TRRAP: variants seen among roughly 807,000 people sequenced by gnomAD.
TRRAP encodes transformation/transcription domain associated protein, also known as transformation/transcription domain-associated protein.
A neutral mutation model predicts 438.8 loss-of-function variants in TRRAP; 41 were observed. That is an observed-to-expected ratio of 0.09 (90% CI 0.07 to 0.12). TRRAP has a LOEUF of 0.12. Among genes scored for constraint, TRRAP ranks in the 10% least tolerant of loss-of-function variants. TRRAP has a pLI of 1.00. For missense variants in TRRAP, 3,122 were observed against 5,055.1 expected (o/e 0.62, Z 11.60); for synonymous variants, 1,994 against 1,962.9 (o/e 1.02, Z -0.42).
chr7:98,914,022 G>C (rs1315500805), intron 18 of TRRAP, among the ~76,000 whole-genome samples: 1 of 152,160 alleles, frequency 6.6e-6, no homozygotes, highest in Admixed American at 6.6e-5. Flanking sequence ...CCAGTAACCT[G>C]TGCTTTCCTT....
intron 2 of TRRAP, chr7:98,881,641 A>C: frequency 3.4e-6 from 1 of 296,430 alleles, no homozygotes. Flanking sequence ...GTGTACTTTG[A>C]GATTAATCGT....
In TRRAP at chr7:99,012,750, A is replaced by G. The variant is rs1020225131; in HGVS notation, c.*395A>G. The G allele has an allele frequency of 5.0e-6, 1 of 201,088 alleles. No homozygotes were observed. Among genetic ancestry groups the G allele is most frequent in the Admixed American group, 5.5e-5 (1 of 18,200 alleles). 12.5% of individuals were successfully genotyped at this position (201,088 alleles called of 1,614,324 possible). On this transcript the variant is annotated 3_prime_UTR_variant, in exon 73 of 73. Coordinates refer to ENST00000456197, the MANE Select transcript of TRRAP (RefSeq NM_001375524.1). This position sits in a 1 kb window ranked among gnomAD's most constrained non-coding sequence, Gnocchi z 5.9. Reference sequence around the variant, plus strand: ...TTAACTCTTTCGGAAATAACACCTCACAGCAGCTTCGTGCTTTTGTACAGA... The same window carrying G: ...TTAACTCTTTCGGAAATAACACCTCGCAGCAGCTTCGTGCTTTTGTACAGA...
chr7:98,988,676 G>A, intron 62 of TRRAP, 89 bp from the exon 63 acceptor site: 1 of 1,445,094 alleles, frequency 6.9e-7, no homozygotes, highest in Non-Finnish European at 9.4e-7. Flanking sequence ...ATGCCCCGCA[G>A]TGTTCATTTT....
At chr7:98,893,691 A>G in intron 5 of TRRAP, 107 bp from the exon 6 acceptor site, 1 of 998,078 alleles carries the variant, frequency 1.0e-6, no homozygotes, top group Non-Finnish European at 1.5e-6. Flanking sequence ...ATTTTCAGCA[A>G]ATCCAATAGT....
intron 47 of TRRAP, among the ~76,000 whole-genome samples, 181 bp downstream of exon 47, chr7:98,962,608 C>T (rs1387080025): frequency 1.3e-5 from 2 of 152,246 alleles, no homozygotes; most frequent in African/African-American, 2.4e-5. Context: ...ACTGCATCCC[C>T]CTTCGCCGAT....
At chr7:98,919,293 TC>T (rs1315207635) in intron 20 of TRRAP, among the ~76,000 whole-genome samples, 1 of 152,100 alleles carries the variant, frequency 6.6e-6, no homozygotes, top group Non-Finnish European at 1.5e-5. Flanking sequence ...TTGGGCTTCA[TC>T]TAGGCTGGAA....
chr7:98,882,793 T>C (rs960224328), intron 3 of TRRAP, among the ~76,000 whole-genome samples: 13 of 151,512 alleles, frequency 8.6e-5, no homozygotes, highest in African/African-American at 2.4e-4. Flanking sequence ...TCCCAAGTAG[T>C]TGGGATTACA....
intron 62 of TRRAP, among the ~76,000 whole-genome samples, chr7:98,986,441 CTTG>C (rs2116775009): frequency 6.6e-6 from 1 of 152,320 alleles, no homozygotes; most frequent in Non-Finnish European, 1.5e-5. Flanking sequence ...CTCACCAGCA[CTTG>C]TTATTTTCTT....
Position 99,012,106 on chromosome 7 carries a change from G to C in TRRAP, c.11373G>C (p.Glu3791Asp). 6.2e-7 allele frequency: 1 copy of C among 1,614,136 alleles called. No individual in the cohort carries two copies. Among genetic ancestry groups the C allele is most frequent in the Non-Finnish European group, 8.5e-7 (1 of 1,179,984 alleles). ...DGILKTVLRD[E>D]IIAWHKKTQE... The stretch of plus-strand genomic sequence containing the variant: ...TTCTGAAAACGGTTCTCCGGGACGA[G>C]ATCATTGCTTGGCACAAAAAAACAC... The change falls in exon 73 of 73, where the codon GAG (glutamate) becomes GAC (aspartate). Residue 3791 changes from glutamate (E) to aspartate (D), a missense_variant. This residue lies in a region of TRRAP where 192 missense variants were observed against 355.6 expected (regional missense o/e 0.54). Coordinates refer to ENST00000456197, the MANE Select transcript of TRRAP (RefSeq NM_001375524.1). The surrounding 1 kb of genome is among the most constrained non-coding windows in gnomAD (Gnocchi z 5.9).
At chr7:98,971,114 ATG>A (rs1792398765) in intron 52 of TRRAP, among the ~76,000 whole-genome samples, 4 of 152,104 alleles carry the variant, frequency 2.6e-5, no homozygotes, top group Non-Finnish European at 2.9e-5. Flanking sequence ...CCCCTCTTCC[ATG>A]TGCAGGATGT....
rs574399337 is a variant in TRRAP at position 98,957,682 on chromosome 7, C to T, written c.6232-299C>T. Among the ~76,000 whole-genome samples the T allele has an allele frequency of 3.7e-4, 57 of 152,206 alleles. 1 individual carries two copies. Among genetic ancestry groups the T allele is most frequent in the Non-Finnish European group, 6.6e-4 (45 of 68,036 alleles). Reference sequence around the variant, plus strand: ...CCCTCCACTGGGAGCTGTCTCTCTTCTTTTTTCTCATGGCCCGCTTCGTCT... The same window carrying T: ...CCCTCCACTGGGAGCTGTCTCTCTTTTTTTTTCTCATGGCCCGCTTCGTCT... On this transcript the variant is annotated intron_variant, in intron 43 of 72. Transcript: ENST00000456197.
intron 23 of TRRAP, among the ~76,000 whole-genome samples, chr7:98,929,016 C>T (rs1790195575): frequency 6.6e-6 from 1 of 151,588 alleles, no homozygotes. Context: ...CAGCTCACTG[C>T]AACCTCTGCC....
In TRRAP at chr7:98,992,246, C is replaced by T. The variant is rs375315597; in HGVS notation, c.9847+19C>T. 3.1e-5 allele frequency: 50 copies of T among 1,613,122 alleles called. No individual in the cohort carries two copies. In the African/African-American group the frequency reaches 3.7e-4, roughly 12 times the overall value. On this transcript the variant is annotated intron_variant, in intron 65 of 72. Transcript: ENST00000456197. ...AAGAGCGGTACGTCTCGGGTGGGGC[C>T]GGTAGGCCAGGCCGGGAAGGGCTCA...
Position 99,011,629 on chromosome 7 carries a change from G to A in TRRAP, c.11337+94G>A, listed in dbSNP as rs1047198463. 11 of 1,423,808 alleles carry A rather than the reference G, an allele frequency of 7.7e-6. 1 individual carries two copies. Among genetic ancestry groups the A allele is most frequent in the Middle Eastern group, 2.1e-4 (1 of 4,762 alleles). 88.2% of individuals were successfully genotyped at this position (1,423,808 alleles called of 1,614,324 possible). ...TGCAGGAGCTGCTGATGTGCCTCAC[G>A]GGCTCTGCGCTCTCCACAGTGGCCA... On this transcript the variant is annotated intron_variant, in intron 72 of 72. Transcript: ENST00000456197. This position sits in a 1 kb window ranked among gnomAD's most constrained non-coding sequence, Gnocchi z 7.1.
intron 58 of TRRAP, among the ~76,000 whole-genome samples, chr7:98,979,702 G>A (rs886093252): frequency 3.3e-5 from 5 of 152,080 alleles, no homozygotes; most frequent in African/African-American, 4.8e-5. Context: ...TATATGCAGC[G>A]TCACATGGTC....
chr7:98,905,048 A>G (rs1461000339), intron 12 of TRRAP, among the ~76,000 whole-genome samples: 1 of 152,170 alleles, frequency 6.6e-6, no homozygotes, highest in African/African-American at 2.4e-5. Context: ...CATGGAAAGG[A>G]TCTGGAAAGT....
In TRRAP at chr7:98,976,833, A is replaced by T. The variant is rs1180641153; in HGVS notation, c.8247+63A>T. Reference sequence around the variant, plus strand: ...TGCCAGTGACTTCACACTTTAAATAAATACTCCTCCCAAATGATTTCAAAT... The same window carrying T: ...TGCCAGTGACTTCACACTTTAAATATATACTCCTCCCAAATGATTTCAAAT... On this transcript the variant is annotated intron_variant, in intron 55 of 72. Coordinates refer to ENST00000456197, the MANE Select transcript of TRRAP (RefSeq NM_001375524.1). The surrounding 1 kb of genome is among the most constrained non-coding windows in gnomAD (Gnocchi z 4.6). The T allele has an allele frequency of 9.4e-6, 15 of 1,600,262 alleles. No individual in the cohort carries two copies. The highest frequency in any genetic ancestry group is 1.3e-5 in the Non-Finnish European group (15 of 1,171,958).
intron 5 of TRRAP, 147 bp downstream of exon 5, chr7:98,892,675 T>C (rs1017648815): frequency 4.9e-6 from 3 of 617,194 alleles, no homozygotes; most frequent in Middle Eastern, 8.7e-4. Flanking sequence ...TAATGTCCCT[T>C]TTCCCCCATT....
intron 2 of TRRAP, 58 bp downstream of exon 2, chr7:98,881,308 C>G (rs1236367946): frequency 1.3e-6 from 2 of 1,506,184 alleles, no homozygotes; most frequent in Non-Finnish European, 1.8e-6. Context: ...TGCGGTGGCT[C>G]ACGTCTGTAA....
Sources: gnomAD v4.1 joint callset for allele counts (sites outside exome capture counted in the v4.1 genomes callset) on GRCh38, gnomAD v4.1.1 for gene constraint, gnomAD v4.1.1 regional missense constraint, Gnocchi (gnomAD v3.1) non-coding constraint, MANE v1.5 for transcripts, NCBI Gene and HGNC (gene_info 2026-07-23, HGNC 2026-07-21) for gene names.